Variants in SCARB1 observed in about 807,000 individuals in gnomAD.
SCARB1 encodes the protein CD36 and LIMPII analogous 1.
SCARB1 carries 30 observed loss-of-function variants against 57.2 expected under a neutral mutation model. The ratio of observed to expected loss-of-function variants is 0.52; its 90% CI spans 0.39 to 0.71. SCARB1 has a LOEUF of 0.71. Among genes scored for constraint, SCARB1 ranks in the 30% least tolerant of loss-of-function variants. The pLI is 0.00. For synonymous variants in SCARB1, 249 were observed against 268.3 expected (o/e 0.93, Z 0.70); for missense variants, 543 against 671.2 (o/e 0.81, Z 2.11).
chr12:124,821,648 T>C (rs1344996886), intron 1 of SCARB1: 5 of 556,824 alleles, frequency 9.0e-6, no homozygotes, highest in African/African-American at 2.1e-5. Flanking sequence ...TCCTCAACCA[T>C]ACAATGGGCG....
At chr12:124,805,579 G>A (rs552343281) in intron 7 of SCARB1, among the ~76,000 whole-genome samples, 19 of 152,182 alleles carry the variant, frequency 1.2e-4, no homozygotes, top group African/African-American at 4.6e-4. Context: ...CATATTTTTC[G>A]AGATGGGTCT....
rs554248082 is a variant in SCARB1 at position 124,817,818 on chromosome 12, C to T, written c.127-111G>A. 13 of 1,176,672 alleles carry T rather than the reference C, an allele frequency of 1.1e-5. No homozygotes were observed. Among genetic ancestry groups the T allele is most frequent in the African/African-American group, 7.5e-5 (5 of 66,534 alleles). The allele number at this position is 1,176,672 out of a possible 1,614,324, so 72.9% of individuals were successfully genotyped here. On this transcript the variant is annotated intron_variant, in intron 1 of 12. Transcript: ENST00000261693. This position sits in a 1 kb window ranked among gnomAD's most constrained non-coding sequence, Gnocchi z 4.8. ...CCCGGCCAGGGAAGGGGCTCCTCGG[C>T]GGGAGCTTGGGATAGGAGGTGGTGG...
intron 1 of SCARB1, among the ~76,000 whole-genome samples, chr12:124,820,823 A>G (rs1053734976): frequency 2.0e-5 from 3 of 152,222 alleles, no homozygotes; most frequent in African/African-American, 4.8e-5. Flanking sequence ...GGTGACAGGT[A>G]TGTTCAGCAC....
chr12:124,797,104 C>T (rs1949967455), intron 8 of SCARB1, among the ~76,000 whole-genome samples: 1 of 152,206 alleles, frequency 6.6e-6, no homozygotes, highest in African/African-American at 2.4e-5. Context: ...TAATGAGCTT[C>T]CCTGCTAGAC....
intron 1 of SCARB1, among the ~76,000 whole-genome samples, chr12:124,842,497 C>T (rs934993758): frequency 2.0e-5 from 3 of 152,258 alleles, no homozygotes; most frequent in African/African-American, 7.2e-5. Context: ...ATCCCAGTCC[C>T]TGTCTCTTCT....
At chr12:124,836,768 TG>T (rs1312507472) in intron 1 of SCARB1, among the ~76,000 whole-genome samples, 2 of 152,298 alleles carry the variant, frequency 1.3e-5, no homozygotes, top group Non-Finnish European at 2.9e-5. Flanking sequence ...TACTCCAGCC[TG>T]GGTGACAGAG....
At chr12:124,838,775 CT>C (rs1174317110) in intron 1 of SCARB1, among the ~76,000 whole-genome samples, 238 of 117,292 alleles carry the variant, frequency 2.0e-3, no homozygotes, top group African/African-American at 7.0e-3. Context: ...CCAACTTAGC[CT>C]TTTTTTTTTT....
intron 11 of SCARB1, chr12:124,785,921 GA>G: frequency 1.3e-6 from 1 of 743,292 alleles, no homozygotes; most frequent in Non-Finnish European, 2.1e-6. Context: ...CTTTTCTGCT[GA>G]TTTACTTGGT....
At chr12:124,828,539 C>T (rs891358906) in intron 1 of SCARB1, among the ~76,000 whole-genome samples, 4 of 152,206 alleles carry the variant, frequency 2.6e-5, no homozygotes, top group African/African-American at 9.7e-5. Context: ...TCTGCCCGGC[C>T]CTGTTCAGGT....
At chr12:124,792,487 T>G (rs941603116) in intron 9 of SCARB1, among the ~76,000 whole-genome samples, 29 of 151,942 alleles carry the variant, frequency 1.9e-4, no homozygotes, top group Admixed American at 4.6e-4. Flanking sequence ...ATCCCAGCAC[T>G]CTGGGAGGCG....
intron 11 of SCARB1, 173 bp from the exon 12 acceptor site, chr12:124,782,984 G>C (rs1949373825): frequency 1.5e-6 from 1 of 645,692 alleles, no homozygotes; most frequent in South Asian, 1.8e-5. Flanking sequence ...GCCGCTCTTA[G>C]ACATAAGTAC....
At chr12:124,780,244 G>A (rs1449808935) in intron 12 of SCARB1, among the ~76,000 whole-genome samples, 2 of 152,080 alleles carry the variant, frequency 1.3e-5, no homozygotes, top group Non-Finnish European at 2.9e-5. Flanking sequence ...TGTCCAGGCT[G>A]TTCACTGCAC....
rs922886460 is a variant in SCARB1 at position 124,821,356 on chromosome 12, T to C, written c.127-3649A>G. The C allele has an allele frequency of 8.1e-6, 8 of 985,026 alleles. No homozygotes were observed. In the African/African-American group the frequency reaches 1.2e-4, roughly 15 times the overall value. 61.0% of individuals were successfully genotyped at this position (985,026 alleles called of 1,614,324 possible). On this transcript the variant is annotated intron_variant, in intron 1 of 12. Transcript: ENST00000261693. ...TCAGCAGAGGCTGCTGGGCTGGAGA[T>C]ACCTTTCTCCTTTGGAATCTCACCA...
At chr12:124,834,451 G>A (rs1465228015) in intron 1 of SCARB1, among the ~76,000 whole-genome samples, 1 of 152,246 alleles carries the variant, frequency 6.6e-6, no homozygotes, top group Non-Finnish European at 1.5e-5. Context: ...GAGGTCTCGG[G>A]CAATTTCTGA....
At position 124,850,393 on chromosome 12, in the gene SCARB1, C is replaced by T. The variant is rs537958320; in HGVS notation, c.126+13202G>A. On this transcript the variant is annotated intron_variant, in intron 1 of 12. Transcript: ENST00000261693. Reference sequence around the variant, plus strand: ...GTCTCAAAAAAATAAATAAATAGGCCGGGCTTCGTGGCTCACACCTGTAAT... The same window carrying T: ...GTCTCAAAAAAATAAATAAATAGGCTGGGCTTCGTGGCTCACACCTGTAAT... Among the ~76,000 whole-genome samples, 205 of 148,352 alleles carry T rather than the reference C, an allele frequency of 1.4e-3. 2 individuals carry two copies. Among genetic ancestry groups the T allele is most frequent in the African/African-American group, 4.8e-3 (193 of 40,194 alleles).
chr12:124,795,862 A>G (rs1451437863), intron 8 of SCARB1, among the ~76,000 whole-genome samples: 1 of 152,208 alleles, frequency 6.6e-6, no homozygotes, highest in Non-Finnish European at 1.5e-5. Context: ...AATATTTTAC[A>G]TAGAGCCTAA....
chr12:124,857,123 C>T (rs773310303), intron 1 of SCARB1, among the ~76,000 whole-genome samples: 12 of 152,088 alleles, frequency 7.9e-5, no homozygotes, highest in Non-Finnish European at 1.3e-4. Flanking sequence ...ACCGGGAGGA[C>T]GCAGTGCGCA....
chr12:124,861,140 C>G (rs2135869119), intron 1 of SCARB1, among the ~76,000 whole-genome samples: 1 of 152,136 alleles, frequency 6.6e-6, no homozygotes, highest in South Asian at 2.1e-4. Context: ...CCCTCAATGT[C>G]AGAGGGGAAT....
At chr12:124,819,114 C>A (rs1339393014) in intron 1 of SCARB1, among the ~76,000 whole-genome samples, 3 of 141,820 alleles carry the variant, frequency 2.1e-5, no homozygotes, top group African/African-American at 7.7e-5. Flanking sequence ...GGTGTCCAAG[C>A]AACACCCTGT....
Sources: allele counts gnomAD v4.1 joint callset (sites outside exome capture counted in the v4.1 genomes callset), GRCh38; gene constraint gnomAD v4.1.1; non-coding constraint Gnocchi (gnomAD v3.1); transcripts MANE v1.5; gene names NCBI Gene and HGNC (gene_info 2026-07-23, HGNC 2026-07-21).